Variants in CORO7 observed in about 807,000 individuals in gnomAD.
CORO7 encodes the protein coronin 7.
CORO7 carries 107 observed loss-of-function variants against 126.6 expected under a neutral mutation model. The observed-to-expected ratio is 0.85, with a 90% CI of 0.72 to 0.99. CORO7 has a LOEUF of 0.99. Ranked by LOEUF, CORO7 falls within the 50% of genes least tolerant of loss-of-function variation. The probability of loss-of-function intolerance (pLI) is 0.00; values close to 1 mark genes in which losing one functional copy is unlikely to be tolerated. For missense variants in CORO7, 1,314 were observed against 1,255.8 expected (o/e 1.05, Z -0.70); for synonymous variants, 603 against 536.8 (o/e 1.12, Z -1.70).
chr16:4,405,082 G>A (rs962359319), intron 6 of CORO7, among the ~76,000 whole-genome samples: 9 of 152,126 alleles, frequency 5.9e-5, no homozygotes, highest in Non-Finnish European at 1.0e-4. Context: ...CCCAGGTCAC[G>A]GGTCCTCTTG....
intron 9 of CORO7, among the ~76,000 whole-genome samples, chr16:4,375,856 A>T (rs2054705670): frequency 6.6e-6 from 1 of 152,018 alleles, no homozygotes; most frequent in African/African-American, 2.4e-5. Context: ...AGCTTCCTGG[A>T]TGATTCTGAT....
In CORO7 at chr16:4,398,540, C is replaced by T. The variant is rs894589425; in HGVS notation, c.565-3201G>A. 3.3e-5 allele frequency among the ~76,000 whole-genome samples: 5 copies of T among 152,026 alleles called. No homozygotes were observed. The East Asian group carries it at 9.7e-4, about 29-fold the overall frequency. ...AATTAGCCGGGCGTGGTGGCGTGCA[C>T]CTGTAATACCAGCTACTCGGGAGGC... On this transcript the variant is annotated intron_variant, in intron 6 of 27. Transcript: ENST00000251166.
intron 26 of CORO7, chr16:4,356,459 G>C (rs1244666644): frequency 6.6e-6 from 1 of 151,618 alleles, no homozygotes; most frequent in Non-Finnish European, 1.5e-5. Flanking sequence ...TTGAGACGGA[G>C]TCTCGCTCTG....
chr16:4,357,462 C>A, intron 25 of CORO7: 1 of 533,058 alleles, frequency 1.9e-6, no homozygotes, highest in Non-Finnish European at 3.2e-6. Flanking sequence ...TGGGTTCAAG[C>A]GATTCTCCTG....
chr16:4,380,272 C>T (rs1001813217), intron 9 of CORO7, among the ~76,000 whole-genome samples: 5 of 152,184 alleles, frequency 3.3e-5, no homozygotes, highest in Non-Finnish European at 5.9e-5. Flanking sequence ...ACCTTCCCGC[C>T]GGCCACTTCC....
Position 4,362,263 on chromosome 16 carries a change from G to A in CORO7, c.1403-103C>T. 7 of 1,455,056 alleles carry A rather than the reference G, an allele frequency of 4.8e-6. No individual in the cohort carries two copies. Among genetic ancestry groups the A allele is most frequent in the Non-Finnish European group, 5.5e-6 (6 of 1,090,960 alleles). The allele number at this position is 1,455,056 out of a possible 1,614,324, so 90.1% of individuals were successfully genotyped here. A position where few individuals can be genotyped will look rare whatever the true frequency, so the allele number is the denominator to read the frequency against. On this transcript the variant is annotated intron_variant, in intron 15 of 27. Transcript: ENST00000251166. This position sits in a 1 kb window ranked among gnomAD's most constrained non-coding sequence, Gnocchi z 5.3. ...CCCACTCCCCTCACCCCAGGTGGAT[G>A]TACAGCATGGACCTAGGCCCAGGCC...
intron 9 of CORO7, chr16:4,387,696 C>G (rs1037163445): frequency 1.9e-6 from 1 of 520,530 alleles, no homozygotes; most frequent in Non-Finnish European, 3.5e-6. Flanking sequence ...CACCCTCTCC[C>G]TGAATGCCAA....
Position 4,357,215 on chromosome 16 carries a change from A to C in CORO7, c.2638T>G (p.Ser880Ala). 2.5e-6 allele frequency: 4 copies of C among 1,613,242 alleles called. No homozygotes were observed. In the South Asian group the frequency reaches 4.4e-5, roughly 18 times the overall value. ...GACTTTTCTTCCAGGTACTGCGCTG[A>C]GGATGGGGCCCGACGAGCAGGGGCC... Reference protein sequence around the residue: ...REAPARRAPSSAQYLEEKSDQ... With the variant: ...REAPARRAPSAAQYLEEKSDQ... The change falls in exon 26 of 28, where the codon TCA (serine) becomes GCA (alanine). Residue 880 changes from serine (S) to alanine (A), a missense_variant. Transcript: ENST00000251166.
At chr16:4,416,148 C>A (rs1355127176) in intron 1 of CORO7, among the ~76,000 whole-genome samples, 1 of 152,086 alleles carries the variant, frequency 6.6e-6, no homozygotes, top group Non-Finnish European at 1.5e-5. Context: ...GGAAGGCAGG[C>A]GGCCTCGCAG....
At chr16:4,356,865 T>A (rs2141171111) in intron 26 of CORO7, 1 of 428,066 alleles carries the variant, frequency 2.3e-6, no homozygotes, top group East Asian at 5.0e-5. Flanking sequence ...GGCTACTATC[T>A]CTGCACATGG....
chr16:4,362,542 G>C lies in CORO7; in HGVS notation c.1402+70C>G. On this transcript the variant is annotated intron_variant, in intron 15 of 27. Coordinates refer to ENST00000251166, the MANE Select transcript of CORO7 (RefSeq NM_024535.5). This position sits in a 1 kb window ranked among gnomAD's most constrained non-coding sequence, Gnocchi z 5.3. ...CCTGTGCTCAGCAGTAGGGTACACA[G>C]GAGGATGACGGGGAGTGGGGCAGAC... The C allele has an allele frequency of 6.7e-7, 1 of 1,485,336 alleles. No homozygotes were observed. The highest frequency in any genetic ancestry group is 1.4e-5 in the South Asian group (1 of 71,692). 92.0% of individuals were successfully genotyped at this position (1,485,336 alleles called of 1,614,324 possible).
chr16:4,372,571 T>A (rs2054575391), intron 9 of CORO7, among the ~76,000 whole-genome samples: 2 of 152,030 alleles, frequency 1.3e-5, no homozygotes, highest in Admixed American at 1.3e-4. Flanking sequence ...GAGCTTCGGG[T>A]ATCAGGCAGG....
At chr16:4,387,030 TACC>T (rs2055215631) in intron 9 of CORO7, among the ~76,000 whole-genome samples, 1 of 152,200 alleles carries the variant, frequency 6.6e-6, no homozygotes, top group South Asian at 2.1e-4. Flanking sequence ...GCTTGCCAAG[TACC>T]ACCCCTTTCC....
rs764114366 is a variant in CORO7, at chr16:4,360,539, G to A, written c.1927C>T (p.Leu643=). Residue 643 remains leucine, a synonymous_variant, in exon 20 of 28, where the codon CTG becomes TTG. Coordinates refer to ENST00000251166, the MANE Select transcript of CORO7 (RefSeq NM_024535.5). ...TGCTGCCCATCAGGACTCCAGGCCA[G>A]GCTGAAGATCTGGGGGCAGGAAGGG... The part of the protein sequence containing the change: ...LQGHQDQIFS[L]AWSPDGQQLA... 4.4e-6 allele frequency: 7 copies of A among 1,605,074 alleles called. No individual in the cohort carries two copies. In the South Asian group the frequency reaches 7.8e-5, roughly 18 times the overall value.
chr16:4,413,872 C>T (rs926479926), intron 1 of CORO7, among the ~76,000 whole-genome samples: 2 of 151,832 alleles, frequency 1.3e-5, no homozygotes, highest in Admixed American at 6.6e-5. Flanking sequence ...TCTGTCCCCA[C>T]TCACGAAGTC....
chr16:4,400,665 C>A (rs1050639158), intron 6 of CORO7, among the ~76,000 whole-genome samples: 1 of 149,596 alleles, frequency 6.7e-6, no homozygotes, highest in Non-Finnish European at 1.5e-5. Context: ...AACAAAAAAA[C>A]AAAAAGTAGC....
chr16:4,395,961 C>A (rs1023441715), intron 6 of CORO7, among the ~76,000 whole-genome samples: 5 of 144,724 alleles, frequency 3.5e-5, no homozygotes, highest in African/African-American at 1.3e-4. Flanking sequence ...TATAGACCTT[C>A]TTTCTGTGGA....
chr16:4,368,656 G>A (rs1191360474), intron 9 of CORO7, among the ~76,000 whole-genome samples: 1 of 151,084 alleles, frequency 6.6e-6, no homozygotes, highest in East Asian at 2.0e-4. Context: ...GCTGAGGCAG[G>A]AGAATCACTT....
At chr16:4,386,232 C>G (rs1281642852) in intron 9 of CORO7, among the ~76,000 whole-genome samples, 1 of 152,208 alleles carries the variant, frequency 6.6e-6, no homozygotes, top group South Asian at 2.1e-4. Context: ...ACTGGTCCTT[C>G]GAGGCTATTC....
Sources: gnomAD v4.1 joint callset for allele counts (sites outside exome capture counted in the v4.1 genomes callset) on GRCh38, gnomAD v4.1.1 for gene constraint, Gnocchi (gnomAD v3.1) non-coding constraint, MANE v1.5 for transcripts, NCBI Gene and HGNC (gene_info 2026-07-23, HGNC 2026-07-21) for gene names.